CSMD1: variants seen among roughly 807,000 people sequenced by gnomAD.
The protein encoded by CSMD1 is CUB and sushi domain-containing protein 1.
A neutral mutation model predicts 417.5 loss-of-function variants in CSMD1; 213 were observed. That is an observed-to-expected ratio of 0.51 (90% CI 0.46 to 0.57). The LOEUF (loss-of-function observed/expected upper bound fraction) is 0.57, where lower values mean the gene tolerates loss of function less well. Among genes scored for constraint, CSMD1 ranks in the 20% least tolerant of loss-of-function variants. CSMD1 has a pLI of 0.00. For synonymous variants in CSMD1, 2,862 were observed against 1,736.8 expected (o/e 1.65, Z -16.11); for missense variants, 6,923 against 4,529.7 (o/e 1.53, Z -15.17).
chr8:3,520,880 G>T (rs1479240870), intron 10 of CSMD1, among the ~76,000 whole-genome samples: 1 of 152,058 alleles, frequency 6.6e-6, no homozygotes, highest in African/African-American at 2.4e-5. Context: ...TGTCACCCTT[G>T]TGTCTAGCAC....
chr8:3,945,459 A>C (rs920677362), intron 5 of CSMD1, among the ~76,000 whole-genome samples: 1 of 152,056 alleles, frequency 6.6e-6, no homozygotes, highest in Non-Finnish European at 1.5e-5. Context: ...TAATCTTTTC[A>C]ATTGTTTTCT....
chr8:3,090,086 G>C (rs113340076), intron 48 of CSMD1, among the ~76,000 whole-genome samples: 1 of 151,856 alleles, frequency 6.6e-6, no homozygotes, highest in Non-Finnish European at 1.5e-5. Context: ...AGGCCGAGGC[G>C]GCCGGATCAC....
chr8:4,562,149 G>C (rs573580303), intron 2 of CSMD1, among the ~76,000 whole-genome samples: 1 of 152,162 alleles, frequency 6.6e-6, no homozygotes, highest in African/African-American at 2.4e-5. Context: ...TTAATTAAGA[G>C]CAGAAAACAT....
intron 10 of CSMD1, among the ~76,000 whole-genome samples, chr8:3,554,438 G>A (rs1178361102): frequency 6.6e-6 from 1 of 152,274 alleles, no homozygotes; most frequent in East Asian, 1.9e-4. Context: ...CTGGAGCTGG[G>A]GGAGCAGAGA....
intron 3 of CSMD1, among the ~76,000 whole-genome samples, chr8:4,143,361 C>T (rs186302049): frequency 1.3e-4 from 14 of 107,128 alleles, no homozygotes; most frequent in African/African-American, 2.2e-4. Flanking sequence ...AATATAATGA[C>T]GTCTTATCCC....
intron 12 of CSMD1, among the ~76,000 whole-genome samples, chr8:3,430,904 T>G (rs1459188340): frequency 6.6e-6 from 1 of 152,088 alleles, no homozygotes; most frequent in Non-Finnish European, 1.5e-5. Flanking sequence ...TTGAAGAAAA[T>G]TGGATAATAT....
intron 1 of CSMD1, among the ~76,000 whole-genome samples, chr8:4,859,452 C>T (rs1230000594): frequency 6.6e-6 from 1 of 152,124 alleles, no homozygotes; most frequent in Non-Finnish European, 1.5e-5. Flanking sequence ...GCAAAAGAAA[C>T]TACCATCAGA....
intron 3 of CSMD1, among the ~76,000 whole-genome samples, chr8:4,097,220 G>C (rs1033482405): frequency 1.3e-5 from 2 of 152,128 alleles, no homozygotes; most frequent in African/African-American, 2.4e-5. Flanking sequence ...AGCTTGGAAG[G>C]AGATAAGTCC....
intron 3 of CSMD1, among the ~76,000 whole-genome samples, chr8:4,299,742 T>C (rs1827665): frequency 0.65 from 99,015 of 151,888 alleles, 32,631 homozygotes; most frequent in East Asian, 0.87. Context: ...GCGATTGTCA[T>C]GCCTCAGCCT....
intron 3 of CSMD1, among the ~76,000 whole-genome samples, chr8:4,374,058 T>G (rs970641819): frequency 1.3e-4 from 20 of 152,144 alleles, no homozygotes; most frequent in Non-Finnish European, 2.6e-4. Flanking sequence ...TGAACTTAAA[T>G]AATATAATCA....
intron 69 of CSMD1, among the ~76,000 whole-genome samples, chr8:2,939,852 G>A (rs1025667957): frequency 6.6e-6 from 1 of 152,198 alleles, no homozygotes; most frequent in African/African-American, 2.4e-5. Context: ...CCAGCCCCTC[G>A]TCAATGAAGT....
At chr8:3,966,150 A>G (rs780128825) in intron 5 of CSMD1, among the ~76,000 whole-genome samples, 60 of 152,210 alleles carry the variant, frequency 3.9e-4, no homozygotes, top group Admixed American at 3.9e-4. Context: ...ATAATATCTC[A>G]GTTAATAGGA....
intron 47 of CSMD1, among the ~76,000 whole-genome samples, chr8:3,093,312 G>T (rs962521467): frequency 6.6e-6 from 1 of 152,172 alleles, no homozygotes; most frequent in South Asian, 2.1e-4. Context: ...GCTTGGAGGA[G>T]AGTCCCGCCC....
At chr8:4,360,625 G>A (rs1801697776) in intron 3 of CSMD1, among the ~76,000 whole-genome samples, 1 of 145,782 alleles carries the variant, frequency 6.9e-6, no homozygotes, top group Admixed American at 6.7e-5. Context: ...GAGTAGCTGA[G>A]ACTACAGGCT....
chr8:3,832,115 C>CA (rs1257743376), intron 5 of CSMD1, among the ~76,000 whole-genome samples: 1 of 152,028 alleles, frequency 6.6e-6, no homozygotes, highest in Non-Finnish European at 1.5e-5. Flanking sequence ...TGCATGTGGG[C>CA]AAACAGTAAT....
intron 1 of CSMD1, among the ~76,000 whole-genome samples, chr8:4,964,409 C>A (rs1434562194): frequency 6.9e-6 from 1 of 144,438 alleles, no homozygotes; most frequent in African/African-American, 2.6e-5. Context: ...GTCCCAGCTA[C>A]CTGGGAAGCT....
intron 6 of CSMD1, among the ~76,000 whole-genome samples, chr8:3,716,885 A>G (rs1801872641): frequency 6.6e-6 from 1 of 152,204 alleles, no homozygotes; most frequent in African/African-American, 2.4e-5. Context: ...TTTAAAAAAT[A>G]TTTTGTACAT....
intron 41 of CSMD1, among the ~76,000 whole-genome samples, chr8:3,130,454 A>C: frequency 6.7e-6 from 1 of 149,068 alleles, no homozygotes; most frequent in African/African-American, 2.5e-5. Context: ...CCCAACCCCC[A>C]TCCACATACA....
At chr8:2,973,038 T>G in intron 57 of CSMD1, 79 bp downstream of exon 57, 1 of 1,383,816 alleles carries the variant, frequency 7.2e-7, no homozygotes, top group South Asian at 1.4e-5. Flanking sequence ...AGAATTTTTG[T>G]AGAATTTTGC....
Sources: allele counts gnomAD v4.1 joint callset (sites outside exome capture counted in the v4.1 genomes callset), GRCh38; gene constraint gnomAD v4.1.1; transcripts MANE v1.5; gene names NCBI Gene and HGNC (gene_info 2026-07-23, HGNC 2026-07-21).